The following WDR70 variants were observed in gnomAD, a reference collection of about 807,000 sequenced individuals.
The protein encoded by WDR70 is WD repeat-containing protein 70.
A neutral mutation model predicts 88.6 loss-of-function variants in WDR70; 53 were observed. The observed-to-expected ratio is 0.60, with a 90% CI of 0.48 to 0.75. The LOEUF is 0.75. Among genes scored for constraint, WDR70 ranks in the 30% least tolerant of loss-of-function variants. The pLI is 0.00. For missense variants in WDR70, 610 were observed against 823.2 expected, an observed-to-expected ratio of 0.74 and a Z score of 3.17; for synonymous variants, 280 against 270.0, an observed-to-expected ratio of 1.04 and a Z score of -0.36.
chr5:37,656,666 G>A (rs1745564372), intron 10 of WDR70, among the ~76,000 whole-genome samples: 1 of 152,228 alleles, frequency 6.6e-6, no homozygotes, highest in Non-Finnish European at 1.5e-5. Context: ...AATCTAGAGA[G>A]GCAGACTGGC....
At chr5:37,531,087 G>A (rs987381556) in intron 9 of WDR70, among the ~76,000 whole-genome samples, 12 of 152,012 alleles carry the variant, frequency 7.9e-5, no homozygotes, top group African/African-American at 2.9e-4. Context: ...TAATTTTCAT[G>A]TATTTGCATG....
chr5:37,676,940 G>A (rs896226298), intron 10 of WDR70, among the ~76,000 whole-genome samples: 9 of 152,010 alleles, frequency 5.9e-5, no homozygotes, highest in Non-Finnish European at 1.0e-4. Flanking sequence ...GAGAGATTCA[G>A]CTTCTTCCTG....
intron 5 of WDR70, among the ~76,000 whole-genome samples, chr5:37,403,992 C>T (rs1292982594): frequency 6.6e-6 from 1 of 152,174 alleles, no homozygotes; most frequent in Non-Finnish European, 1.5e-5. Flanking sequence ...CCTTCCACTT[C>T]AGCCTCCCAA....
chr5:37,561,765 T>C (rs935467505), intron 9 of WDR70, among the ~76,000 whole-genome samples: 2 of 152,240 alleles, frequency 1.3e-5, no homozygotes, highest in African/African-American at 4.8e-5. Context: ...TGTGACTTAC[T>C]GCTTTTTAGT....
At chr5:37,417,907 T>G (rs1400507754) in intron 5 of WDR70, among the ~76,000 whole-genome samples, 1 of 152,178 alleles carries the variant, frequency 6.6e-6, no homozygotes, top group Non-Finnish European at 1.5e-5. Context: ...GTCAATTTAG[T>G]GTATACATAG....
intron 5 of WDR70, among the ~76,000 whole-genome samples, chr5:37,398,576 T>C (rs958394429): frequency 6.6e-6 from 1 of 152,228 alleles, no homozygotes; most frequent in African/African-American, 2.4e-5. Flanking sequence ...TCAATTTGCG[T>C]CTGTCTGTAG....
At chr5:37,706,295 A>T (rs900980537) in intron 13 of WDR70, among the ~76,000 whole-genome samples, 1 of 152,172 alleles carries the variant, frequency 6.6e-6, no homozygotes, top group Non-Finnish European at 1.5e-5. Context: ...GTTTGCACGC[A>T]TTTTACAATT....
intron 10 of WDR70, among the ~76,000 whole-genome samples, chr5:37,655,375 T>G (rs1179486084): frequency 2.6e-5 from 4 of 152,160 alleles, no homozygotes; most frequent in Non-Finnish European, 4.4e-5. Flanking sequence ...CCCTTAATAT[T>G]TTTGCCTTCA....
At chr5:37,748,183 A>G (rs1489950724) in intron 17 of WDR70, among the ~76,000 whole-genome samples, 2 of 152,224 alleles carry the variant, frequency 1.3e-5, no homozygotes, top group Non-Finnish European at 2.9e-5. Context: ...TATAGCCAAG[A>G]CAATCCTAAG....
At chr5:37,475,717 A>G (rs1460103360) in intron 7 of WDR70, among the ~76,000 whole-genome samples, 1 of 152,140 alleles carries the variant, frequency 6.6e-6, no homozygotes, top group African/African-American at 2.4e-5. Flanking sequence ...TCTTTTAATT[A>G]TAACCTTTAA....
chr5:37,490,103 C>T (rs535444302), intron 8 of WDR70, among the ~76,000 whole-genome samples: 1 of 152,230 alleles, frequency 6.6e-6, no homozygotes, highest in African/African-American at 2.4e-5. Flanking sequence ...TCCTTATGTG[C>T]ATGTGCCTGA....
At chr5:37,489,226 A>G (rs948555942) in intron 8 of WDR70, among the ~76,000 whole-genome samples, 3 of 152,216 alleles carry the variant, frequency 2.0e-5, no homozygotes, top group South Asian at 4.1e-4. Flanking sequence ...TGCGCACAGT[A>G]TATGAGCACT....
At chr5:37,680,270 T>G (rs1746387030) in intron 10 of WDR70, among the ~76,000 whole-genome samples, 1 of 152,200 alleles carries the variant, frequency 6.6e-6, no homozygotes, top group Non-Finnish European at 1.5e-5. Flanking sequence ...GAAAATTTGT[T>G]TAAGTTTCTT....
chr5:37,622,076 C>T (rs1189398280), intron 10 of WDR70, among the ~76,000 whole-genome samples: 1 of 152,090 alleles, frequency 6.6e-6, no homozygotes, highest in Non-Finnish European at 1.5e-5. Flanking sequence ...CTGTTCTGTT[C>T]CATTGGTCTA....
At chr5:37,383,284 G>A (rs907924319) in intron 3 of WDR70, among the ~76,000 whole-genome samples, 1 of 152,082 alleles carries the variant, frequency 6.6e-6, no homozygotes, top group African/African-American at 2.4e-5. Context: ...ATTTGAGACG[G>A]AGGCCTGCTC....
rs1343481518 is a variant in WDR70 at position 37,462,012 on chromosome 5, A to G, written c.687-17822A>G. Among the ~76,000 whole-genome samples, 3 of 152,058 alleles carry G rather than the reference A, an allele frequency of 2.0e-5. No individual in the cohort carries two copies. In the East Asian group the frequency reaches 5.8e-4, roughly 29 times the overall value. On this transcript the variant is annotated intron_variant, in intron 7 of 17. Transcript: ENST00000265107. ...CACTCTTTCTGGGAGGTGCTTTCCT[A>G]ATCATTCTGATCTTTTCCTACTAGA...
At chr5:37,476,048 T>G (rs1186748035) in intron 7 of WDR70, among the ~76,000 whole-genome samples, 4 of 151,830 alleles carry the variant, frequency 2.6e-5, no homozygotes, top group African/African-American at 9.7e-5. Flanking sequence ...ATGGGGTGTC[T>G]GCATGTTTGT....
intron 3 of WDR70, among the ~76,000 whole-genome samples, chr5:37,390,198 TA>T (rs1412569868): frequency 2.0e-5 from 3 of 151,706 alleles, no homozygotes; most frequent in South Asian, 2.1e-4. Flanking sequence ...ATATTTTAAA[TA>T]TTTTTTTGTC....
chr5:37,413,202 A>AG (rs1448289916), intron 5 of WDR70, among the ~76,000 whole-genome samples: 1 of 152,140 alleles, frequency 6.6e-6, no homozygotes, highest in African/African-American at 2.4e-5. Context: ...AATGGGCACT[A>AG]GGGGGCAATA....
Sources: allele counts gnomAD v4.1 joint callset (sites outside exome capture counted in the v4.1 genomes callset), GRCh38; gene constraint gnomAD v4.1.1; transcripts MANE v1.5; gene names NCBI Gene and HGNC (gene_info 2026-07-23, HGNC 2026-07-21).